RBFOX1: variants seen among roughly 807,000 people sequenced by gnomAD.
RBFOX1 encodes RNA binding protein fox-1 homolog 1.
Under a neutral mutation model 57.7 loss-of-function variants are expected in RBFOX1, and 8 were observed. That is an observed-to-expected ratio of 0.14 (90% CI 0.08 to 0.25). The LOEUF (loss-of-function observed/expected upper bound fraction) is 0.25, where lower values mean the gene tolerates loss of function less well. Among genes scored for constraint, RBFOX1 ranks in the 10% least tolerant of loss-of-function variants. RBFOX1 has a pLI of 1.00. For synonymous variants in RBFOX1, 326 were observed against 222.4 expected (o/e 1.47, Z -4.15); for missense variants, 611 against 548.5 (o/e 1.11, Z -1.14).
intron 1 of RBFOX1, among the ~76,000 whole-genome samples, chr16:5,412,073 C>G (rs960074562): frequency 6.6e-6 from 1 of 152,144 alleles, no homozygotes; most frequent in African/African-American, 2.4e-5. Context: ...ATGTCTTGCC[C>G]TCCTGAAGGA....
At chr16:6,433,731 A>T (rs948654678) in intron 2 of RBFOX1, among the ~76,000 whole-genome samples, 2 of 151,912 alleles carry the variant, frequency 1.3e-5, no homozygotes, top group South Asian at 2.1e-4. Flanking sequence ...GTTTCTGGGG[A>T]CTGCCACTTT....
intron 4 of RBFOX1, among the ~76,000 whole-genome samples, chr16:7,511,462 A>C (rs936372148): frequency 6.6e-6 from 1 of 152,186 alleles, no homozygotes; most frequent in African/African-American, 2.4e-5. Flanking sequence ...TATTTCAGGG[A>C]CCAAAGAAAT....
intron 3 of RBFOX1, among the ~76,000 whole-genome samples, chr16:5,647,256 C>T (rs2049084445): frequency 6.6e-6 from 1 of 152,162 alleles, no homozygotes; most frequent in Non-Finnish European, 1.5e-5. Flanking sequence ...AGGTCATTCA[C>T]CCAGGGCCAT....
chr16:6,816,911 T>A (rs1013760268), intron 3 of RBFOX1, among the ~76,000 whole-genome samples: 2 of 146,324 alleles, frequency 1.4e-5, no homozygotes, highest in Admixed American at 1.3e-4. Context: ...TGCCTAGCTG[T>A]TTTTTTTGTA....
intron 4 of RBFOX1, among the ~76,000 whole-genome samples, chr16:5,936,046 T>A (rs1334484170): frequency 6.6e-6 from 1 of 150,624 alleles, no homozygotes; most frequent in Non-Finnish European, 1.5e-5. Context: ...TTTTTTTTTA[T>A]GTCAAGAGTG....
intron 4 of RBFOX1, among the ~76,000 whole-genome samples, chr16:6,002,943 C>T (rs1168811259): frequency 1.3e-5 from 2 of 152,100 alleles, no homozygotes; most frequent in Non-Finnish European, 2.9e-5. Context: ...GGTTGTAGAT[C>T]CTCTGACAGC....
intron 4 of RBFOX1, among the ~76,000 whole-genome samples, chr16:7,473,743 C>T (rs1408260566): frequency 2.6e-5 from 4 of 151,978 alleles, no homozygotes; most frequent in Non-Finnish European, 4.4e-5. Flanking sequence ...GCTCCCTCCC[C>T]AACCTCCACT....
rs2095035150 is a variant in RBFOX1 at position 6,019,999 on chromosome 16, C to G, written c.-127+7C>G. ...GGCTCGCCGGGAGTTCTAGGTAAGT[C>G]CAGGCGGAGTCATTGCCTCTGCACC... On this transcript the variant is annotated splice_region_variant and intron_variant, in intron 1 of 15. Transcript: ENST00000550418. The surrounding 1 kb of genome is among the most constrained non-coding windows in gnomAD (Gnocchi z 4.2). 1.3e-6 allele frequency: 2 copies of G among 1,517,186 alleles called. No individual in the cohort carries two copies. Among genetic ancestry groups the G allele is most frequent in the Non-Finnish European group, 1.8e-6 (2 of 1,134,334 alleles). The allele number at this position is 1,517,186 out of a possible 1,614,324, so 94.0% of individuals were successfully genotyped here.
Position 6,355,310 on chromosome 16 carries a change from A to G in RBFOX1, c.-64+38253A>G, listed in dbSNP as rs113148087. ...GCCCCCCAGCCCCTAACAGGCCCCA[A>G]TGTGTGATGTTCCCCTCCCTATATC... On this transcript the variant is annotated intron_variant, in intron 2 of 15. Coordinates refer to ENST00000550418, the MANE Select transcript of RBFOX1 (RefSeq NM_018723.4). Among the ~76,000 whole-genome samples, 542 of 151,704 alleles carry G rather than the reference A, an allele frequency of 3.6e-3. 4 individuals carry two copies. The highest frequency in any genetic ancestry group is 0.012 in the African/African-American group (506 of 41,322).
chr16:7,055,005 C>G lies in RBFOX1; in HGVS notation c.27+2907C>G, dbSNP rs185315900. On this transcript the variant is annotated intron_variant, in intron 4 of 15. Coordinates refer to ENST00000550418, the MANE Select transcript of RBFOX1 (RefSeq NM_018723.4). Reference sequence around the variant, plus strand: ...AATACTTGGTGTTAGGATCTCCTTTCTTTTTCTCACGAAGCCTAAATTAAT... The same window carrying G: ...AATACTTGGTGTTAGGATCTCCTTTGTTTTTCTCACGAAGCCTAAATTAAT... Among the ~76,000 whole-genome samples, 495 of 152,246 alleles carry G rather than the reference C, an allele frequency of 3.3e-3. 14 individuals are homozygous for G. The highest frequency in any genetic ancestry group is 0.031 in the Admixed American group (477 of 15,296).
At chr16:6,809,108 A>G (rs2087732520) in intron 3 of RBFOX1, among the ~76,000 whole-genome samples, 1 of 152,192 alleles carries the variant, frequency 6.6e-6, no homozygotes. Context: ...CAAAAAAGGC[A>G]AACACCAACC....
intron 10 of RBFOX1, among the ~76,000 whole-genome samples, chr16:7,619,648 C>G (rs1344362085): frequency 6.6e-6 from 1 of 152,120 alleles, no homozygotes; most frequent in Non-Finnish European, 1.5e-5. Context: ...TTTTTAGGCT[C>G]TTACAGCATC....
At chr16:7,664,659 G>T (rs935912571) in intron 12 of RBFOX1, 3 of 520,232 alleles carry the variant, frequency 5.8e-6, no homozygotes, top group Non-Finnish European at 1.0e-5. Context: ...GTGCCTTTCT[G>T]TACCCACTCC....
chr16:5,584,652 G>A (rs531567122), intron 2 of RBFOX1, among the ~76,000 whole-genome samples: 34 of 152,324 alleles, frequency 2.2e-4, no homozygotes, highest in African/African-American at 7.9e-4. Context: ...TCAGGTGTCT[G>A]AGGCTGTCCC....
At chr16:7,460,252 A>G (rs915621777) in intron 4 of RBFOX1, among the ~76,000 whole-genome samples, 20 of 151,412 alleles carry the variant, frequency 1.3e-4, no homozygotes, top group African/African-American at 4.9e-4. Flanking sequence ...AGAACAAAAA[A>G]TATCCCTGTT....
intron 3 of RBFOX1, among the ~76,000 whole-genome samples, chr16:5,661,495 T>C (rs2151389592): frequency 6.6e-6 from 1 of 152,344 alleles, no homozygotes; most frequent in Non-Finnish European, 1.5e-5. Context: ...GATATCCAGA[T>C]TTTCCCAGTT....
In RBFOX1 at chr16:5,463,687, C is replaced by T. The variant is rs563496376; in HGVS notation, c.220-3529C>T. ...TGCTGACACACAACTGTAATCCCAG[C>T]TACTCGGGAGGCTGAGGCAGGAGAA... On this transcript the variant is annotated intron_variant, in intron 1 of 2. Coordinates refer to the RBFOX1 transcript ENST00000585867. Among the ~76,000 whole-genome samples, 24 of 151,790 alleles carry T rather than the reference C, an allele frequency of 1.6e-4. No individual in the cohort carries two copies. In the South Asian group the frequency reaches 5.0e-3, roughly 32 times the overall value.
intron 1 of RBFOX1, among the ~76,000 whole-genome samples, chr16:6,194,987 T>C (rs938585112): frequency 6.6e-6 from 1 of 152,150 alleles, no homozygotes; most frequent in African/African-American, 2.4e-5. Context: ...ATCTTTTAGT[T>C]CATTCTTTTT....
At chr16:7,074,312 C>T (rs529523331) in intron 4 of RBFOX1, among the ~76,000 whole-genome samples, 15 of 152,276 alleles carry the variant, frequency 9.9e-5, no homozygotes, top group African/African-American at 3.6e-4. Context: ...AAACCATAAG[C>T]AAGAACCAAA....
Sources: gnomAD v4.1 joint callset for allele counts (sites outside exome capture counted in the v4.1 genomes callset) on GRCh38, gnomAD v4.1.1 for gene constraint, Gnocchi (gnomAD v3.1) non-coding constraint, MANE v1.5 for transcripts, NCBI Gene and HGNC (gene_info 2026-07-23, HGNC 2026-07-21) for gene names.